Variants in RBFOX1 observed in about 807,000 individuals in gnomAD.
RBFOX1 encodes RNA binding fox-1 homolog 1.
A neutral mutation model predicts 57.7 loss-of-function variants in RBFOX1; 8 were observed. That is an observed-to-expected ratio of 0.14 (90% CI 0.08 to 0.25). The LOEUF is 0.25. Ranked by LOEUF, RBFOX1 falls within the 10% of genes least tolerant of loss-of-function variation. The pLI is 1.00. For synonymous variants in RBFOX1, 326 were observed against 222.4 expected (o/e 1.47, Z -4.15); for missense variants, 611 against 548.5 (o/e 1.11, Z -1.14).
intron 3 of RBFOX1, among the ~76,000 whole-genome samples, chr16:6,777,023 G>C (rs74561619): frequency 0.025 from 3,875 of 152,248 alleles, 183 homozygotes; most frequent in African/African-American, 0.088. Flanking sequence ...ATAGCCTTCT[G>C]TAATTGAAGG....
At chr16:5,457,914 C>T (rs543960444) in intron 1 of RBFOX1, among the ~76,000 whole-genome samples, 13 of 152,226 alleles carry the variant, frequency 8.5e-5, no homozygotes, top group South Asian at 2.1e-4. Flanking sequence ...TATGAATAAA[C>T]GAAAGCCATG....
At chr16:5,367,749 G>A (rs1448434498) in intron 1 of RBFOX1, among the ~76,000 whole-genome samples, 1 of 152,168 alleles carries the variant, frequency 6.6e-6, no homozygotes, top group African/African-American at 2.4e-5. Context: ...GATTGAAAAT[G>A]AGACAGGGCA....
intron 4 of RBFOX1, among the ~76,000 whole-genome samples, chr16:7,129,715 A>T (rs755627224): frequency 4.4e-4 from 67 of 152,194 alleles, no homozygotes; most frequent in Middle Eastern, 3.4e-3. Context: ...GGGAGCCCCC[A>T]AATCGGGTTG....
chr16:7,178,145 C>T (rs537766786), intron 4 of RBFOX1, among the ~76,000 whole-genome samples: 1 of 152,316 alleles, frequency 6.6e-6, no homozygotes, highest in Non-Finnish European at 1.5e-5. Context: ...ACAACAACAA[C>T]AAACAAAAAA....
chr16:6,399,415 C>G (rs1397790545), intron 2 of RBFOX1, among the ~76,000 whole-genome samples: 1 of 152,218 alleles, frequency 6.6e-6, no homozygotes, highest in Non-Finnish European at 1.5e-5. Flanking sequence ...CCACTGATCT[C>G]TAGGGCAGGA....
In RBFOX1 at chr16:6,902,927, C is replaced by A. The variant is rs191394787; in HGVS notation, c.-15-149130C>A. Among the ~76,000 whole-genome samples the A allele has an allele frequency of 2.6e-5, 4 of 152,268 alleles. No homozygotes were observed. In the East Asian group the frequency reaches 7.7e-4, roughly 29 times the overall value. The stretch of plus-strand genomic sequence containing the variant: ...AAGTATTGAAGATGTAGATTCTACT[C>A]TTTACTTGTTCGGGGCTTACAAGGG... On this transcript the variant is annotated intron_variant, in intron 3 of 15. Transcript: ENST00000550418.
intron 4 of RBFOX1, among the ~76,000 whole-genome samples, chr16:5,911,142 G>C (rs894682330): frequency 2.6e-5 from 4 of 152,136 alleles, no homozygotes; most frequent in African/African-American, 4.8e-5. Flanking sequence ...AGGGAGCCTG[G>C]GGTGCTTGGC....
intron 2 of RBFOX1, among the ~76,000 whole-genome samples, chr16:5,530,770 C>G (rs1447513394): frequency 3.3e-5 from 5 of 151,972 alleles, no homozygotes; most frequent in African/African-American, 4.8e-5. Flanking sequence ...TTGAGAAGCA[C>G]TGCTCTAGGG....
At chr16:6,768,346 T>G (rs1466187489) in intron 3 of RBFOX1, among the ~76,000 whole-genome samples, 2 of 152,122 alleles carry the variant, frequency 1.3e-5, no homozygotes, top group East Asian at 3.9e-4. Flanking sequence ...TTCAAAAATT[T>G]TTTTTCTTCT....
At chr16:7,427,667 T>C (rs1290178195) in intron 4 of RBFOX1, among the ~76,000 whole-genome samples, 1 of 151,886 alleles carries the variant, frequency 6.6e-6, no homozygotes, top group Admixed American at 6.6e-5. Flanking sequence ...TTTTTTGAGA[T>C]GGAGTCTCTC....
At chr16:7,066,851 G>T (rs939959007) in intron 4 of RBFOX1, among the ~76,000 whole-genome samples, 1 of 152,100 alleles carries the variant, frequency 6.6e-6, no homozygotes, top group African/African-American at 2.4e-5. Flanking sequence ...GCCAGTGAGT[G>T]GCAGAATCCT....
In RBFOX1 at chr16:7,588,688, T is replaced by A. The variant is rs1479479353; in HGVS notation, c.468+1388T>A. ...ATCACGGAGGGTCAGTAAGCGGTGC[T>A]GGTTTTATTTGAAGTGTCACAGGCC... On this transcript the variant is annotated intron_variant, in intron 7 of 15. Transcript: ENST00000550418. 2.0e-5 allele frequency among the ~76,000 whole-genome samples: 3 copies of A among 152,216 alleles called. No individual in the cohort carries two copies. In the East Asian group the frequency reaches 5.8e-4, roughly 29 times the overall value.
At chr16:6,677,708 A>G (rs947731344) in intron 3 of RBFOX1, among the ~76,000 whole-genome samples, 1 of 152,198 alleles carries the variant, frequency 6.6e-6, no homozygotes, top group African/African-American at 2.4e-5. Flanking sequence ...GAGCCATGAA[A>G]TCCTTTTTTC....
intron 1 of RBFOX1, among the ~76,000 whole-genome samples, chr16:6,260,203 C>G (rs557494622): frequency 3.3e-5 from 5 of 152,182 alleles, no homozygotes; most frequent in Non-Finnish European, 5.9e-5. Flanking sequence ...TACATGCAGC[C>G]TGTGGTCCCT....
At chr16:7,443,986 A>T (rs2109440) in intron 4 of RBFOX1, among the ~76,000 whole-genome samples, 4,076 of 152,222 alleles carry the variant, frequency 0.027, 164 homozygotes, top group African/African-American at 0.092. Context: ...TTCAAGAGAA[A>T]CTTCCACTTT....
chr16:5,678,020 G>A (rs2050217590), intron 3 of RBFOX1, among the ~76,000 whole-genome samples: 1 of 152,208 alleles, frequency 6.6e-6, no homozygotes, highest in Non-Finnish European at 1.5e-5. Flanking sequence ...CAGCTGCTCA[G>A]CATCTGAACC....
intron 3 of RBFOX1, among the ~76,000 whole-genome samples, chr16:6,767,887 C>G (rs1035418096): frequency 1.4e-5 from 2 of 148,052 alleles, no homozygotes; most frequent in Non-Finnish European, 3.0e-5. Flanking sequence ...GCACTCCAGC[C>G]TGGGCAACAG....
At position 5,895,184 on chromosome 16, in the gene RBFOX1, C is replaced by T. The variant is rs35906724; in HGVS notation, c.351+27849C>T. Among the ~76,000 whole-genome samples, 417 of 152,310 alleles carry T rather than the reference C, an allele frequency of 2.7e-3. 7 individuals carry two copies. The highest frequency in any genetic ancestry group is 5.1e-4 in the Non-Finnish European group (35 of 68,032). ...CCATATCAACATTTCATGCCCTTGC[C>T]TGCTATAAATGCTGAGGTCATAGTG... On this transcript the variant is annotated intron_variant, in intron 4 of 19. Transcript: ENST00000641259.
intron 4 of RBFOX1, among the ~76,000 whole-genome samples, chr16:7,182,476 GT>G (rs916783666): frequency 6.6e-6 from 1 of 152,038 alleles, no homozygotes; most frequent in African/African-American, 2.4e-5. Flanking sequence ...GTCTGTTCTT[GT>G]TTTCCTTGTT....
Sources: gnomAD v4.1 joint callset for allele counts (sites outside exome capture counted in the v4.1 genomes callset) on GRCh38, gnomAD v4.1.1 for gene constraint, MANE v1.5 for transcripts, NCBI Gene and HGNC (gene_info 2026-07-23, HGNC 2026-07-21) for gene names.